The following ILRUN variants were observed in gnomAD, a reference collection of about 807,000 sequenced individuals.
ILRUN encodes the protein protein ILRUN.
A neutral mutation model predicts 33.8 loss-of-function variants in ILRUN; 3 were observed. The observed-to-expected ratio is 0.09, with a 90% confidence interval of 0.04 to 0.23. The LOEUF is 0.23. Among genes scored for constraint, ILRUN ranks in the 10% least tolerant of loss-of-function variants. ILRUN has a pLI of 1.00. For missense variants in ILRUN, 210 were observed against 375.1 expected (o/e 0.56, Z 3.64); for synonymous variants, 124 against 138.9 (o/e 0.89, Z 0.75).
chr6:34,640,910 C>T (rs576177659), intron 3 of ILRUN, among the ~76,000 whole-genome samples: 1 of 151,712 alleles, frequency 6.6e-6, no homozygotes, highest in East Asian at 1.9e-4. Context: ...AAAACCCCAT[C>T]TCTACTAAGA....
chr6:34,689,814 T>C (rs1763610437), intron 1 of ILRUN, among the ~76,000 whole-genome samples: 2 of 151,520 alleles, frequency 1.3e-5, no homozygotes, highest in African/African-American at 4.9e-5. Flanking sequence ...TAATAGGACA[T>C]CATATTTTAC....
chr6:34,637,949 T>C lies in ILRUN; in HGVS notation c.511+8652A>G, dbSNP rs142443221. On this transcript the variant is annotated intron_variant, in intron 3 of 4. Coordinates refer to ENST00000374023, the MANE Select transcript of ILRUN (RefSeq NM_024294.4). ...TCACCCAGGTTGGAGTGCAGTGGAG[T>C]GATCTCGGCTCACTGCAACCTCCGC... is the stretch of plus-strand genomic sequence containing the variant. Among the ~76,000 whole-genome samples the C allele has an allele frequency of 7.6e-3, 1,152 of 151,808 alleles. 21 individuals carry two copies. Among genetic ancestry groups the C allele is most frequent in the African/African-American group, 0.026 (1,093 of 41,352 alleles).
At chr6:34,656,101 T>G (rs918960241) in intron 1 of ILRUN, among the ~76,000 whole-genome samples, 3 of 151,866 alleles carry the variant, frequency 2.0e-5, no homozygotes, top group Non-Finnish European at 4.4e-5. Context: ...CCAGGCACGG[T>G]GGCGGGCACC....
intron 1 of ILRUN, among the ~76,000 whole-genome samples, chr6:34,684,661 G>A (rs1397377917): frequency 6.6e-6 from 1 of 152,102 alleles, no homozygotes; most frequent in Admixed American, 6.6e-5. Context: ...AGAGTACACT[G>A]CTAAGAACAG....
intron 3 of ILRUN, among the ~76,000 whole-genome samples, chr6:34,608,940 A>G (rs1761688332): frequency 6.6e-6 from 1 of 152,244 alleles, no homozygotes; most frequent in Non-Finnish European, 1.5e-5. Flanking sequence ...GTTTTCAAAA[A>G]GCAAAATACA....
chr6:34,613,892 T>C (rs1442684894), intron 3 of ILRUN, among the ~76,000 whole-genome samples: 4 of 152,138 alleles, frequency 2.6e-5, no homozygotes, highest in African/African-American at 9.7e-5. Flanking sequence ...CAGTAAAAAG[T>C]ACAAGAGCTC....
At chr6:34,649,069 T>C (rs556248696) in intron 2 of ILRUN, among the ~76,000 whole-genome samples, 2 of 152,316 alleles carry the variant, frequency 1.3e-5, no homozygotes, top group African/African-American at 4.8e-5. Context: ...CCTGCCCTTC[T>C]TGGTACTCCA....
intron 3 of ILRUN, among the ~76,000 whole-genome samples, chr6:34,611,102 CTT>C (rs59506285): frequency 4.9e-5 from 6 of 121,916 alleles, no homozygotes; most frequent in Admixed American, 8.7e-5. Context: ...TTTCTGATGT[CTT>C]TTTTTTTTTT....
intron 1 of ILRUN, among the ~76,000 whole-genome samples, chr6:34,661,565 T>C (rs1174871324): frequency 6.6e-6 from 1 of 152,134 alleles, no homozygotes; most frequent in Non-Finnish European, 1.5e-5. Flanking sequence ...TCAACAGAGA[T>C]AAAAGACCAC....
Position 34,597,836 on chromosome 6 carries a change from T to C in ILRUN, c.862-7236A>G, listed in dbSNP as rs183440618. ...ACCGCAGCCAAGCTGGCCAGTGTCC[T>C]GTGAACACACCCTGCCTGTGGTTGC... On this transcript the variant is annotated intron_variant, in intron 4 of 4. Coordinates refer to ENST00000374023, the MANE Select transcript of ILRUN (RefSeq NM_024294.4). 4.2e-3 allele frequency among the ~76,000 whole-genome samples: 645 copies of C among 152,320 alleles called. 4 individuals are homozygous for C. The highest frequency in any genetic ancestry group is 0.015 in the African/African-American group (619 of 41,572).
Position 34,640,862 on chromosome 6 carries a change from C to T in ILRUN, c.511+5739G>A, listed in dbSNP as rs180724817. Among the ~76,000 whole-genome samples the T allele has an allele frequency of 2.0e-3, 306 of 152,002 alleles. 1 individual carries two copies. Among genetic ancestry groups the T allele is most frequent in the African/African-American group, 6.9e-3 (287 of 41,498 alleles). On this transcript the variant is annotated intron_variant, in intron 3 of 4. Coordinates refer to ENST00000374023, the MANE Select transcript of ILRUN (RefSeq NM_024294.4). ...TTGGGAGGCTGAGGCAGGTGGATCACGAGGTCAAGAGTTCAAAACCAGCCT... is the reference window on the plus strand; with the variant it reads ...TTGGGAGGCTGAGGCAGGTGGATCATGAGGTCAAGAGTTCAAAACCAGCCT...
At chr6:34,613,207 C>T (rs944488598) in intron 3 of ILRUN, among the ~76,000 whole-genome samples, 45 of 141,840 alleles carry the variant, frequency 3.2e-4, no homozygotes, top group Admixed American at 9.8e-4. Flanking sequence ...GAGTGAGACC[C>T]TGTCTCAAAA....
At chr6:34,681,961 C>T (rs887087010) in intron 1 of ILRUN, among the ~76,000 whole-genome samples, 3 of 149,296 alleles carry the variant, frequency 2.0e-5, no homozygotes, top group African/African-American at 7.4e-5. Context: ...AAGCGATTCA[C>T]CTGACTCAGC....
intron 3 of ILRUN, among the ~76,000 whole-genome samples, chr6:34,633,560 A>G (rs1762289211): frequency 6.6e-6 from 1 of 152,172 alleles, no homozygotes; most frequent in Non-Finnish European, 1.5e-5. Context: ...ATTAAACAAA[A>G]AATCAAATCA....
intron 1 of ILRUN, among the ~76,000 whole-genome samples, chr6:34,657,393 G>A (rs1201332171): frequency 6.6e-6 from 1 of 152,144 alleles, no homozygotes; most frequent in Non-Finnish European, 1.5e-5. Context: ...CTAGTAAGTG[G>A]GAAAGTCAAG....
chr6:34,659,845 T>C (rs1250503633), intron 1 of ILRUN, among the ~76,000 whole-genome samples: 3 of 151,926 alleles, frequency 2.0e-5, no homozygotes, highest in Non-Finnish European at 4.4e-5. Context: ...GGTCTCGAAC[T>C]CCCAACCTCA....
At chr6:34,647,998 C>T (rs1487177483) in intron 2 of ILRUN, among the ~76,000 whole-genome samples, 1 of 152,202 alleles carries the variant, frequency 6.6e-6, no homozygotes, top group Non-Finnish European at 1.5e-5. Flanking sequence ...GGCGCCCAGC[C>T]GGTACCCACT....
chr6:34,684,199 A>T (rs999362826), intron 1 of ILRUN, among the ~76,000 whole-genome samples: 2 of 152,184 alleles, frequency 1.3e-5, no homozygotes, highest in Admixed American at 6.6e-5. Flanking sequence ...TTTAAGGCAA[A>T]TATCAGACAT....
intron 1 of ILRUN, among the ~76,000 whole-genome samples, chr6:34,674,307 G>A (rs534012115): frequency 2.0e-5 from 3 of 152,198 alleles, no homozygotes; most frequent in African/African-American, 4.8e-5. Context: ...GATTATAGGC[G>A]TGAGCCACCG....
Sources: allele counts gnomAD v4.1 joint callset (sites outside exome capture counted in the v4.1 genomes callset), GRCh38; gene constraint gnomAD v4.1.1; transcripts MANE v1.5; gene names NCBI Gene and HGNC (gene_info 2026-07-23, HGNC 2026-07-21).